Variants in DCAF5 observed in about 807,000 individuals in gnomAD.
DCAF5 encodes the protein DDB1- and CUL4-associated factor 5.
Under a neutral mutation model 80.7 loss-of-function variants are expected in DCAF5, and 9 were observed. The ratio of observed to expected loss-of-function variants is 0.11; its 90% CI spans 0.07 to 0.19. DCAF5 has a LOEUF of 0.19. Among genes scored for constraint, DCAF5 ranks in the 10% least tolerant of loss-of-function variants. The pLI is 1.00. For missense variants in DCAF5, 842 were observed against 1,205.7 expected (o/e 0.70, Z 4.47); for synonymous variants, 433 against 461.9 (o/e 0.94, Z 0.80).
At position 69,055,483 on chromosome 14, in the gene DCAF5, C is replaced by G; in HGVS notation, c.1203G>C (p.Ser401=). Residue 401 remains serine (S), a synonymous_variant, in exon 9 of 9, where the codon TCG becomes TCC. Coordinates refer to ENST00000341516, the MANE Select transcript of DCAF5 (RefSeq NM_003861.3). The surrounding 1 kb of genome is among the most constrained non-coding windows in gnomAD (Gnocchi z 5.6). ...GGACCGACTGGTTGGCGTAGTCATG[C>G]GACAGGCCACTCCCACTGTTCAGCA... is the stretch of plus-strand genomic sequence containing the variant. ...SLVLNSGSGL[S]HDYANQSVQE... is the part of the protein sequence containing the mutation. 1 of 1,614,150 alleles carries G rather than the reference C, an allele frequency of 6.2e-7. No individual in the cohort carries two copies. Among genetic ancestry groups the G allele is most frequent in the Non-Finnish European group, 8.5e-7 (1 of 1,180,034 alleles).
intron 5 of DCAF5, among the ~76,000 whole-genome samples, chr14:69,106,221 T>A (rs1346050920): frequency 6.6e-6 from 1 of 151,238 alleles, no homozygotes; most frequent in Non-Finnish European, 1.5e-5. Flanking sequence ...TACGCCCGGC[T>A]AATTTTGTAT....
At chr14:69,072,852 A>G (rs111824529) in intron 7 of DCAF5, among the ~76,000 whole-genome samples, 1 of 152,246 alleles carries the variant, frequency 6.6e-6, no homozygotes, top group African/African-American at 2.4e-5. Context: ...CCTCAATTAC[A>G]GTGAATCCAA....
In DCAF5 at chr14:69,091,848, A is replaced by G. The variant is rs2039542438; in HGVS notation, c.705T>C (p.Ser235=). The G allele has an allele frequency of 1.2e-6, 2 of 1,613,912 alleles. No homozygotes were observed. The highest frequency in any genetic ancestry group is 4.5e-5 in the East Asian group (2 of 44,838). ...TGCTGTTGAATCGTACACTCATGGC[A>G]CTTTGGAGGGACAGGTTTCCACCAT... ...LRYGGNLSLQ[S]AMSVRFNSNG... is the part of the protein sequence containing the mutation. Residue 235 remains serine, a synonymous_variant, in exon 6 of 9, where the codon AGT becomes AGC. Coordinates refer to ENST00000341516, the MANE Select transcript of DCAF5 (RefSeq NM_003861.3).
At chr14:69,100,935 T>C (rs2140001895) in intron 5 of DCAF5, among the ~76,000 whole-genome samples, 1 of 152,350 alleles carries the variant, frequency 6.6e-6, no homozygotes, top group Non-Finnish European at 1.5e-5. Context: ...GAAGGGATTA[T>C]ATCAACATAG....
chr14:69,137,148 T>G (rs1162751005), intron 1 of DCAF5, among the ~76,000 whole-genome samples: 5 of 152,168 alleles, frequency 3.3e-5, no homozygotes, highest in African/African-American at 1.2e-4. Context: ...GCTGATGACT[T>G]GTATGATTTC....
chr14:69,071,163 G>A (rs925987022), intron 7 of DCAF5, among the ~76,000 whole-genome samples: 2 of 152,076 alleles, frequency 1.3e-5, no homozygotes, highest in Non-Finnish European at 2.9e-5. Flanking sequence ...AATTGGACCT[G>A]ATCTTCCCTG....
At chr14:69,111,105 C>T (rs1020245539) in intron 5 of DCAF5, among the ~76,000 whole-genome samples, 5 of 152,184 alleles carry the variant, frequency 3.3e-5, no homozygotes, top group African/African-American at 1.2e-4. Context: ...AGCATGAGTG[C>T]CTTTTCCAGC....
intron 6 of DCAF5, chr14:69,084,374 G>A (rs2039236568): frequency 1.1e-6 from 1 of 918,152 alleles, no homozygotes; most frequent in Non-Finnish European, 1.8e-6. Context: ...TCTGGTTATC[G>A]ATGAAGCTGA....
chr14:69,056,040 A>G (rs1435910591), intron 8 of DCAF5, among the ~76,000 whole-genome samples: 2 of 152,206 alleles, frequency 1.3e-5, no homozygotes, highest in African/African-American at 4.8e-5. Context: ...GAAGCTGTGC[A>G]CAGAGAGGTA....
At chr14:69,084,037 T>C (rs1297004613) in intron 6 of DCAF5, 1 of 780,500 alleles carries the variant, frequency 1.3e-6, no homozygotes, top group Non-Finnish European at 2.4e-6. Flanking sequence ...AGGGATCTTC[T>C]TGCAGCTACA....
intron 6 of DCAF5, among the ~76,000 whole-genome samples, chr14:69,087,928 G>A (rs1254663073): frequency 1.3e-5 from 2 of 152,208 alleles, no homozygotes; most frequent in African/African-American, 4.8e-5. Flanking sequence ...GGTGGATCCA[G>A]AGCAGAATAG....
In DCAF5 at chr14:69,118,845, A is replaced by G. The variant is rs1359630278; in HGVS notation, c.395+349T>C. On this transcript the variant is annotated intron_variant, in intron 3 of 8. Coordinates refer to ENST00000341516, the MANE Select transcript of DCAF5 (RefSeq NM_003861.3). This position sits in a 1 kb window ranked among gnomAD's most constrained non-coding sequence, Gnocchi z 4.0. Reference sequence around the variant, plus strand: ...ATGAGTGTGAGGATTAAATGAATGAATATGTACAAAGCATTTACAATGGTG... The same window carrying G: ...ATGAGTGTGAGGATTAAATGAATGAGTATGTACAAAGCATTTACAATGGTG... 6.6e-6 allele frequency among the ~76,000 whole-genome samples: 1 copy of G among 152,198 alleles called. No homozygotes were observed. The highest frequency in any genetic ancestry group is 1.5e-5 in the Non-Finnish European group (1 of 68,024).
At chr14:69,061,525 A>G (rs1253847109) in intron 8 of DCAF5, among the ~76,000 whole-genome samples, 1 of 152,218 alleles carries the variant, frequency 6.6e-6, no homozygotes, top group Non-Finnish European at 1.5e-5. Flanking sequence ...GGTAGAGGTG[A>G]GTTCATTCAG....
At chr14:69,151,209 G>A (rs2041692097) in intron 1 of DCAF5, among the ~76,000 whole-genome samples, 1 of 152,122 alleles carries the variant, frequency 6.6e-6, no homozygotes, top group Admixed American at 6.5e-5. Flanking sequence ...TGAAAGATCA[G>A]GTTTCTTCAG....
At chr14:69,112,594 T>TACACACACACACACAC (rs3044674) in intron 5 of DCAF5, among the ~76,000 whole-genome samples, 2,421 of 145,152 alleles carry the variant, frequency 0.017, 71 homozygotes, top group African/African-American at 0.06. Flanking sequence ...TATATATGTA[T>TACACACACACACACAC]ACACACACAC....
At chr14:69,119,360 T>A in intron 2 of DCAF5, 130 bp from the exon 3 acceptor site, 4 of 815,512 alleles carry the variant, frequency 4.9e-6, no homozygotes, top group Non-Finnish European at 7.6e-6. Context: ...TTAGAAGTGT[T>A]AACTGGAAAA....
chr14:69,123,490 T>C (rs1435254845), intron 1 of DCAF5, among the ~76,000 whole-genome samples: 1 of 152,216 alleles, frequency 6.6e-6, no homozygotes, highest in Admixed American at 6.5e-5. Flanking sequence ...GGTAGGCTGG[T>C]GTTGGGAGAC....
chr14:69,132,853 T>C (rs9323524), intron 1 of DCAF5, among the ~76,000 whole-genome samples: 57,694 of 152,048 alleles, frequency 0.38, 12,147 homozygotes, highest in East Asian at 0.9. Flanking sequence ...CCGGCACTTA[T>C]TAGCTGTGTG....
At chr14:69,090,221 G>A (rs1326191832) in intron 6 of DCAF5, 1 of 535,820 alleles carries the variant, frequency 1.9e-6, no homozygotes, top group Non-Finnish European at 2.4e-6. Context: ...CATTTCCACA[G>A]CCAGACAAAG....
Sources: allele counts gnomAD v4.1 joint callset (sites outside exome capture counted in the v4.1 genomes callset), GRCh38; gene constraint gnomAD v4.1.1; non-coding constraint Gnocchi (gnomAD v3.1); transcripts MANE v1.5; gene names NCBI Gene and HGNC (gene_info 2026-07-23, HGNC 2026-07-21).